The following SHARPIN variants were observed in gnomAD, a reference collection of about 807,000 sequenced individuals.
SHARPIN encodes the protein SHANK associated RH domain interactor.
In SHARPIN, 25 loss-of-function variants were observed where a neutral mutation model predicts 40.3. The ratio of observed to expected loss-of-function variants is 0.62; its 90% CI spans 0.45 to 0.87. The LOEUF (loss-of-function observed/expected upper bound fraction) is 0.87. Among genes scored for constraint, SHARPIN ranks in the 40% least tolerant of loss-of-function variants. The pLI is 0.00. For synonymous variants in SHARPIN, 274 were observed against 221.8 expected, an observed-to-expected ratio of 1.24 and a Z score of -2.09; for missense variants, 551 against 516.1, an observed-to-expected ratio of 1.07 and a Z score of -0.66.
intron 2 of SHARPIN, among the ~76,000 whole-genome samples, chr8:144,101,575 A>ATT (rs58173496): frequency 1.1e-4 from 10 of 87,524 alleles, no homozygotes; most frequent in Admixed American, 3.9e-4. Context: ...CACCCAGCTA[A>ATT]TTTTTTTTTT....
rs1836245153 is a variant in SHARPIN at position 144,099,609 on chromosome 8, GACCTGCA to G, written c.662_668del (p.Leu221ProfsTer189). On this transcript the variant is annotated frameshift_variant and splice_region_variant, in exon 5 of 9. Transcript: ENST00000398712. LOFTEE classifies it high-confidence loss of function. ...CGGCAGAGGCAGCGTCTTCAAGTGT[GACCTGCA>G]GCCTGTGCCAGAATGTGGGTTCAGG... 1 of 1,613,892 alleles carries G rather than the reference GACCTGCA, an allele frequency of 6.2e-7. No homozygotes were observed.
At chr8:144,102,981 A>C in intron 2 of SHARPIN, 70 bp downstream of exon 2, 2 of 1,581,334 alleles carry the variant, frequency 1.3e-6, no homozygotes, top group Non-Finnish European at 1.7e-6. Context: ...GGTGGATCCA[A>C]CTTCCCCAAC....
Position 144,098,739 on chromosome 8 carries a change from G to A in SHARPIN, c.*62C>T. 3.2e-6 allele frequency: 2 copies of A among 624,696 alleles called. No homozygotes were observed. 38.7% of individuals were successfully genotyped at this position (624,696 alleles called of 1,614,324 possible). A position where few individuals can be genotyped will look rare whatever the true frequency, so the allele number is the denominator to read the frequency against. The stretch of plus-strand genomic sequence containing the variant: ...GTAGAGGTCCCCGGAGTTCAGTGGG[G>A]GCCTGGAGATGTCGGACTTGTGAGG... On this transcript the variant is annotated 3_prime_UTR_variant, in exon 9 of 9. Coordinates refer to ENST00000398712, the MANE Select transcript of SHARPIN (RefSeq NM_030974.4).
chr8:144,100,464 C>A (rs909944238), intron 2 of SHARPIN, among the ~76,000 whole-genome samples: 1 of 152,234 alleles, frequency 6.6e-6, no homozygotes, highest in Non-Finnish European at 1.5e-5. Context: ...CCCTGACCCA[C>A]ACCTGGGCTG....
At chr8:144,100,986 C>G (rs1300795186) in intron 2 of SHARPIN, 1 of 152,300 alleles carries the variant, frequency 6.6e-6, no homozygotes, top group Non-Finnish European at 1.5e-5. Flanking sequence ...CAGGCATGCA[C>G]CACCACGCCC....
Position 144,100,011 on chromosome 8 carries a change from G to A in SHARPIN, c.435C>T (p.Pro145=), listed in dbSNP as rs371028402. ...LGPEACPVSL[P]SPPEASTLKG... is the part of the protein sequence containing the mutation. ...TGAGTGTGGAGGCTTCCGGGGGACT[G>A]GGCAGGGAGACAGGGCATGCTTCTG... is the stretch of plus-strand genomic sequence containing the variant. Residue 145 remains proline (P), a synonymous_variant, in exon 3 of 9, where the codon CCC becomes CCT. Transcript: ENST00000398712. 54 of 1,603,708 alleles carry A rather than the reference G, an allele frequency of 3.4e-5. No individual in the cohort carries two copies. In the African/African-American group the frequency reaches 6.6e-4, roughly 19 times the overall value.
At chr8:144,100,995 C>T (rs970404932) in intron 2 of SHARPIN, among the ~76,000 whole-genome samples, 1 of 152,054 alleles carries the variant, frequency 6.6e-6, no homozygotes, top group African/African-American at 2.4e-5. Flanking sequence ...ACCACCACGC[C>T]CGGCTAATTT....
Position 144,103,708 on chromosome 8 carries a change from C to G in SHARPIN, c.46G>C (p.Gly16Arg). The G allele has an allele frequency of 1.4e-6, 2 of 1,440,384 alleles. No homozygotes were observed. The highest frequency in any genetic ancestry group is 1.8e-6 in the Non-Finnish European group (2 of 1,102,260). The allele number at this position is 1,440,384 out of a possible 1,614,324, so 89.2% of individuals were successfully genotyped here. ...ACAGCCAAGAGCACTGCGGCGGAGCCCAAGTCCGAGGCCGCCGCCGCCGCC... is the reference window on the plus strand; with the variant it reads ...ACAGCCAAGAGCACTGCGGCGGAGCGCAAGTCCGAGGCCGCCGCCGCCGCC... ...GGAAAAASDL[G>R]SAAVLLAVHA... is the part of the protein sequence containing the mutation. The change falls in exon 1 of 9, where the codon GGC becomes CGC. Residue 16 changes from glycine (G) to arginine (R), a missense_variant. Transcript: ENST00000398712.
intron 2 of SHARPIN, among the ~76,000 whole-genome samples, chr8:144,101,115 G>C (rs947438452): frequency 7.3e-5 from 11 of 151,658 alleles, no homozygotes. Flanking sequence ...GATGATAGGC[G>C]TGAGCCACCG....
rs1836222525 is a variant in SHARPIN at position 144,098,878 on chromosome 8, C to G, written c.1164G>C (p.Ter388TyrextTer30). 1.9e-6 allele frequency: 3 copies of G among 1,584,478 alleles called. No homozygotes were observed. The highest frequency in any genetic ancestry group is 2.6e-6 in the Non-Finnish European group (3 of 1,169,606). Residue 388 changes from the stop codon to tyrosine, a stop_lost, in exon 8 of 9, where the codon TAG (stop) becomes TAC (tyrosine). Transcript: ENST00000398712. ...CCACCTCTGGTACCTCTGGTGGCTG[C>G]TAGGTGGAAGCTGCAGCAAGGGGGT... is the stretch of plus-strand genomic sequence containing the variant. ...TWDPLAAAST[*>Y]
chr8:144,099,406 G>T lies in SHARPIN; in HGVS notation c.793C>A (p.Pro265Thr). 6.2e-7 allele frequency: 1 copy of T among 1,612,808 alleles called. No homozygotes were observed. The highest frequency in any genetic ancestry group is 8.5e-7 in the Non-Finnish European group (1 of 1,179,302). Reference protein sequence around the residue: ...EQVFSELGFPPAVQRWVIGRC... With the variant: ...EQVFSELGFPTAVQRWVIGRC... ...CCGATGACCCAGCGTTGCACGGCTG[G>T]CGGGAAACCGAGCTCTGAGAACACC... is the stretch of plus-strand genomic sequence containing the variant. Residue 265 changes from proline to threonine, a missense_variant, in exon 6 of 9, where the codon CCA becomes ACA. By Grantham distance (38) the Pro-to-Thr change is conservative. Coordinates refer to ENST00000398712, the MANE Select transcript of SHARPIN (RefSeq NM_030974.4).
At chr8:144,102,797 A>T in intron 2 of SHARPIN, 2 of 603,054 alleles carry the variant, frequency 3.3e-6, no homozygotes, top group Non-Finnish European at 3.0e-6. Flanking sequence ...CCTGAGGGTT[A>T]AGGAAGTGCA....
Position 144,099,449 on chromosome 8 carries a change from G to A in SHARPIN, c.769-19C>T. On this transcript the variant is annotated intron_variant, in intron 5 of 8. Transcript: ENST00000398712. Reference sequence around the variant, plus strand: ...AGAACACCTGTGGCCAGAGCATCAGGGCAGGTGATGTCACCTAGGCTCCTC... The same window carrying A: ...AGAACACCTGTGGCCAGAGCATCAGAGCAGGTGATGTCACCTAGGCTCCTC... 1 of 1,609,442 alleles carries A rather than the reference G, an allele frequency of 6.2e-7. No homozygotes were observed. The highest frequency in any genetic ancestry group is 8.5e-7 in the Non-Finnish European group (1 of 1,177,480).
At chr8:144,102,882 A>C in intron 2 of SHARPIN, 169 bp downstream of exon 2, 1 of 780,622 alleles carries the variant, frequency 1.3e-6, no homozygotes, top group Non-Finnish European at 2.1e-6. Context: ...TAGGAGACTG[A>C]CTCCAGCAGC....
Position 144,099,850 on chromosome 8 carries a change from G to A in SHARPIN, c.518-6C>T. 1.2e-6 allele frequency: 2 copies of A among 1,612,380 alleles called. No individual in the cohort carries two copies. The highest frequency in any genetic ancestry group is 1.7e-6 in the Non-Finnish European group (2 of 1,179,952). On this transcript the variant is annotated splice_region_variant and splice_polypyrimidine_tract_variant and intron_variant, in intron 3 of 8. Transcript: ENST00000398712. ...CAGGCTCCCTGCCAGCTCTTCTGCAGGGTAAGGAAAGGACAGCTGTCACCA... is the reference window on the plus strand; with the variant it reads ...CAGGCTCCCTGCCAGCTCTTCTGCAAGGTAAGGAAAGGACAGCTGTCACCA...
intron 2 of SHARPIN, chr8:144,102,687 C>T: frequency 5.3e-6 from 2 of 377,850 alleles, no homozygotes; most frequent in Non-Finnish European, 9.9e-6. Flanking sequence ...GTCTGTCACT[C>T]TCCCACTCCT....
At position 144,103,339 on chromosome 8, in the gene SHARPIN, G is replaced by C. The variant is rs1213771617; in HGVS notation, c.202-114C>G. The C allele has an allele frequency of 6.4e-6, 8 of 1,251,258 alleles. No homozygotes were observed. In the African/African-American group the frequency reaches 1.2e-4, roughly 19 times the overall value. The allele number at this position is 1,251,258 out of a possible 1,614,324, so 77.5% of individuals were successfully genotyped here. On this transcript the variant is annotated intron_variant, in intron 1 of 8. Transcript: ENST00000398712. Reference sequence around the variant, plus strand: ...ATTTACACGGTCCTAAGCCCTGTACGCCTATCATCAAATCCTCACAATAGC... The same window carrying C: ...ATTTACACGGTCCTAAGCCCTGTACCCCTATCATCAAATCCTCACAATAGC...
intron 2 of SHARPIN, among the ~76,000 whole-genome samples, chr8:144,100,403 T>G (rs1168489161): frequency 6.6e-6 from 1 of 152,250 alleles, no homozygotes; most frequent in African/African-American, 2.4e-5. Flanking sequence ...TCAGTGGCCC[T>G]GCAGTCAGGG....
At chr8:144,102,387 C>T (rs753369810) in intron 2 of SHARPIN, among the ~76,000 whole-genome samples, 11 of 151,968 alleles carry the variant, frequency 7.2e-5, no homozygotes, top group Non-Finnish European at 1.6e-4. Context: ...ATTCTCCTGC[C>T]TCAGCCTCCC....
Sources: allele counts gnomAD v4.1 joint callset (sites outside exome capture counted in the v4.1 genomes callset), GRCh38; gene constraint gnomAD v4.1.1; transcripts MANE v1.5; gene names NCBI Gene and HGNC (gene_info 2026-07-23, HGNC 2026-07-21).